Variants in NRG3 observed in about 807,000 individuals in gnomAD.
NRG3 encodes neuregulin 3, also known as pro-neuregulin-3, membrane-bound isoform.
NRG3 carries 31 observed loss-of-function variants against 66.9 expected under a neutral mutation model. That is an observed-to-expected ratio of 0.46 (90% CI 0.35 to 0.63). The LOEUF is 0.63. Ranked by LOEUF, NRG3 falls within the 20% of genes least tolerant of loss-of-function variation. The probability of loss-of-function intolerance (pLI) is 0.00; values close to 1 mark genes in which losing one functional copy is unlikely to be tolerated. For missense variants in NRG3, 910 were observed against 878.9 expected (o/e 1.04, Z -0.45); for synonymous variants, 393 against 359.4 (o/e 1.09, Z -1.06).
intron 3 of NRG3, among the ~76,000 whole-genome samples, chr10:82,852,548 TCTATAAAATACCATCA>T (rs2063612500): frequency 6.6e-6 from 1 of 152,062 alleles, no homozygotes; most frequent in Admixed American, 6.5e-5. Context: ...AGTTTTCTCA[TCTATAAAATACCATCA>T]CTAGCAAGGA....
intron 5 of NRG3, 81 bp downstream of exon 5, chr10:82,951,652 CCA>C: frequency 8.5e-7 from 1 of 1,179,444 alleles, no homozygotes; most frequent in East Asian, 2.4e-5. Flanking sequence ...AGTCTGTGTG[CCA>C]CACAGAGGGA....
chr10:82,984,499 G>T (rs1853251072), intron 8 of NRG3, among the ~76,000 whole-genome samples: 1 of 152,200 alleles, frequency 6.6e-6, no homozygotes, highest in African/African-American at 2.4e-5. Context: ...CAGCAATCTG[G>T]CAGTGAGGTG....
At chr10:82,331,981 A>G (rs976828399) in intron 1 of NRG3, among the ~76,000 whole-genome samples, 2 of 152,158 alleles carry the variant, frequency 1.3e-5, no homozygotes, top group African/African-American at 4.8e-5. Context: ...TCCAGTGACT[A>G]CCTAACAGAG....
intron 1 of NRG3, among the ~76,000 whole-genome samples, chr10:82,014,186 G>C (rs915315369): frequency 6.6e-6 from 1 of 152,150 alleles, no homozygotes; most frequent in Non-Finnish European, 1.5e-5. Flanking sequence ...GAAATGACAA[G>C]TTACTAATAT....
chr10:82,553,177 A>G (rs1249221272), intron 2 of NRG3, among the ~76,000 whole-genome samples: 1 of 152,178 alleles, frequency 6.6e-6, no homozygotes, highest in Non-Finnish European at 1.5e-5. Context: ...ATGGAATTGT[A>G]TGCAGGTTAT....
At chr10:82,940,149 A>C (rs537141801) in intron 4 of NRG3, among the ~76,000 whole-genome samples, 59 of 152,306 alleles carry the variant, frequency 3.9e-4, no homozygotes, top group Non-Finnish European at 7.3e-4. Context: ...AAGAATTTTC[A>C]GGCTTAATAG....
At chr10:82,361,973 G>T (rs2084167953) in intron 2 of NRG3, among the ~76,000 whole-genome samples, 1 of 145,930 alleles carries the variant, frequency 6.9e-6, no homozygotes, top group African/African-American at 2.5e-5. Flanking sequence ...ATATTTTTCT[G>T]TGTTGTGAAA....
chr10:82,733,907 G>A (rs1327659176), intron 2 of NRG3, among the ~76,000 whole-genome samples: 1 of 152,192 alleles, frequency 6.6e-6, no homozygotes, highest in Admixed American at 6.5e-5. Flanking sequence ...TGCAGAGATG[G>A]GAATGCTCTG....
intron 2 of NRG3, among the ~76,000 whole-genome samples, chr10:82,419,429 A>C (rs1369268011): frequency 6.6e-6 from 1 of 152,230 alleles, no homozygotes; most frequent in Non-Finnish European, 1.5e-5. Context: ...GAGCCACACA[A>C]CACAACCTCG....
intron 1 of NRG3, chr10:82,225,327 G>T (rs537229519): frequency 1.3e-5 from 2 of 152,290 alleles, no homozygotes; most frequent in East Asian, 1.9e-4. Context: ...ACCACTAGAA[G>T]CTACATTAAT....
chr10:82,656,285 TTTTC>T (rs1341079722), intron 2 of NRG3, among the ~76,000 whole-genome samples: 16 of 149,890 alleles, frequency 1.1e-4, no homozygotes, highest in Non-Finnish European at 1.6e-4. Context: ...GATCTCTTAC[TTTTC>T]TTTCTTTCTT....
chr10:82,528,305 C>T (rs547521186), intron 2 of NRG3, among the ~76,000 whole-genome samples: 32 of 152,224 alleles, frequency 2.1e-4, no homozygotes, highest in African/African-American at 7.2e-4. Flanking sequence ...CATCTGCTGG[C>T]TCTAAATGGT....
chr10:82,775,326 T>G (rs576735596), intron 3 of NRG3, among the ~76,000 whole-genome samples: 1 of 152,106 alleles, frequency 6.6e-6, no homozygotes, highest in Admixed American at 6.6e-5. Flanking sequence ...TTTGACTCAA[T>G]AATTTTTTGT....
chr10:82,571,922 G>A (rs1013281689), intron 2 of NRG3, among the ~76,000 whole-genome samples: 1 of 151,450 alleles, frequency 6.6e-6, no homozygotes, highest in African/African-American at 2.4e-5. Context: ...AATACCTTTG[G>A]GGAGGAGTGC....
At chr10:82,794,806 C>T (rs912285836) in intron 3 of NRG3, among the ~76,000 whole-genome samples, 1 of 91,628 alleles carries the variant, frequency 1.1e-5, no homozygotes, top group Non-Finnish European at 2.4e-5. Flanking sequence ...CAGCTACCAT[C>T]GATCTACACT....
chr10:81,944,255 G>A (rs1406798206), intron 1 of NRG3, among the ~76,000 whole-genome samples: 2 of 152,202 alleles, frequency 1.3e-5, no homozygotes, highest in African/African-American at 4.8e-5. Flanking sequence ...TATACAAAGA[G>A]CAGCAGTGCA....
At chr10:82,267,606 C>A (rs1404375349) in intron 1 of NRG3, among the ~76,000 whole-genome samples, 1 of 152,204 alleles carries the variant, frequency 6.6e-6, no homozygotes, top group Non-Finnish European at 1.5e-5. Flanking sequence ...AGAAAACTCA[C>A]AGATGGAATG....
At chr10:82,308,275 G>A (rs1366215775) in intron 1 of NRG3, among the ~76,000 whole-genome samples, 2 of 152,040 alleles carry the variant, frequency 1.3e-5, no homozygotes, top group East Asian at 1.9e-4. Context: ...TTAGTTAAGA[G>A]GCAGGGTTCC....
At chr10:82,090,133 C>T (rs986569233) in intron 1 of NRG3, among the ~76,000 whole-genome samples, 9 of 152,204 alleles carry the variant, frequency 5.9e-5, no homozygotes, top group Admixed American at 1.3e-4. Context: ...AGACTACAGA[C>T]GCACGTTACC....
Sources: allele counts gnomAD v4.1 joint callset (sites outside exome capture counted in the v4.1 genomes callset), GRCh38; gene constraint gnomAD v4.1.1; transcripts MANE v1.5; gene names NCBI Gene and HGNC (gene_info 2026-07-23, HGNC 2026-07-21).